EFHD2: variants seen among roughly 807,000 people sequenced by gnomAD.
EFHD2 encodes EF-hand domain family member D2.
Under a neutral mutation model 20.3 loss-of-function variants are expected in EFHD2, and 12 were observed. That is an observed-to-expected ratio of 0.59 (90% CI 0.38 to 0.96). The LOEUF is 0.96. EFHD2 is among the 40% of genes least tolerant of loss of function. The probability of loss-of-function intolerance (pLI) is 0.00; values close to 1 mark genes in which losing one functional copy is unlikely to be tolerated. For missense variants in EFHD2, 250 were observed against 334.3 expected (o/e 0.75, Z 1.97); for synonymous variants, 131 against 143.9 (o/e 0.91, Z 0.64).
intron 1 of EFHD2, among the ~76,000 whole-genome samples, chr1:15,414,571 T>C (rs948997168): frequency 9.2e-5 from 14 of 152,172 alleles, no homozygotes; most frequent in African/African-American, 3.1e-4. Context: ...GCATACACCC[T>C]CTCCTGGGCC....
intron 3 of EFHD2, among the ~76,000 whole-genome samples, chr1:15,428,174 C>G (rs750861181): frequency 1.3e-5 from 2 of 152,066 alleles, no homozygotes; most frequent in African/African-American, 2.4e-5. Flanking sequence ...TCAGCAGAAG[C>G]CTGAGCCAGA....
chr1:15,423,281 T>TCCACCC (rs1161819326), intron 1 of EFHD2, among the ~76,000 whole-genome samples: 1 of 152,160 alleles, frequency 6.6e-6, no homozygotes, highest in Non-Finnish European at 1.5e-5. Flanking sequence ...CCCATCCACC[T>TCCACCC]CCACCCCAAC....
intron 1 of EFHD2, among the ~76,000 whole-genome samples, chr1:15,415,504 T>TC (rs1283019785): frequency 6.6e-6 from 1 of 151,660 alleles, no homozygotes; most frequent in African/African-American, 2.4e-5. Flanking sequence ...TTTTTTTTTT[T>TC]TTGAGATGGA....
rs374763966 is a variant in EFHD2, at chr1:15,428,792, G to A, written c.*68G>A. On this transcript the variant is annotated 3_prime_UTR_variant, in exon 4 of 4. Coordinates refer to ENST00000375980, the MANE Select transcript of EFHD2 (RefSeq NM_024329.6). ...GGGCGAGGGTGGCGCATGGGAGGCC[G>A]AGCCTGAATCCTTGCCTGTGTCTGA... 426 of 1,544,196 alleles carry A rather than the reference G, an allele frequency of 2.8e-4. 5 individuals are homozygous for A. In the South Asian group the frequency reaches 4.5e-3, roughly 16 times the overall value.
intron 1 of EFHD2, among the ~76,000 whole-genome samples, chr1:15,410,657 T>A (rs1176249407): frequency 1.4e-5 from 2 of 146,818 alleles, no homozygotes; most frequent in African/African-American, 5.2e-5. Context: ...TTAGTGGGGC[T>A]TCTCCACCAC....
chr1:15,411,359 C>T (rs1014613087), intron 1 of EFHD2, among the ~76,000 whole-genome samples: 9 of 152,096 alleles, frequency 5.9e-5, no homozygotes, highest in African/African-American at 1.2e-4. Context: ...CACCCCCAGG[C>T]GTGTGGGCTC....
chr1:15,419,407 C>G (rs1707748001), intron 1 of EFHD2, among the ~76,000 whole-genome samples: 1 of 152,258 alleles, frequency 6.6e-6, no homozygotes, highest in Admixed American at 6.5e-5. Flanking sequence ...TGGGCGCTTT[C>G]TGCCAGTACT....
chr1:15,425,440 A>G (rs1035816673), intron 1 of EFHD2, among the ~76,000 whole-genome samples: 20 of 151,594 alleles, frequency 1.3e-4, no homozygotes, highest in African/African-American at 4.6e-4. Flanking sequence ...CAGGAGAATC[A>G]CTTGAACCCG....
chr1:15,412,859 G>C (rs1208379761), intron 1 of EFHD2, among the ~76,000 whole-genome samples: 1 of 152,196 alleles, frequency 6.6e-6, no homozygotes, highest in Non-Finnish European at 1.5e-5. Context: ...GAGGGCGACT[G>C]AGGGGAGCTG....
intron 1 of EFHD2, among the ~76,000 whole-genome samples, chr1:15,422,422 T>A (rs1707808025): frequency 6.6e-6 from 1 of 151,960 alleles, no homozygotes; most frequent in South Asian, 2.1e-4. Context: ...GGGGCCACCC[T>A]ATGCGCTATA....
Position 15,409,912 on chromosome 1 carries a change from G to C in EFHD2, c.-60G>C, listed in dbSNP as rs1021731238. 1 of 1,195,412 alleles carries C rather than the reference G, an allele frequency of 8.4e-7. No individual in the cohort carries two copies. Among genetic ancestry groups the C allele is most frequent in the African/African-American group, 1.6e-5 (1 of 62,618 alleles). 74.1% of individuals were successfully genotyped at this position (1,195,412 alleles called of 1,614,324 possible). A position where few individuals can be genotyped will look rare whatever the true frequency, so the allele number is the denominator to read the frequency against. On this transcript the variant is annotated 5_prime_UTR_variant, in exon 1 of 4. Coordinates refer to ENST00000375980, the MANE Select transcript of EFHD2 (RefSeq NM_024329.6). ...GGAGTGTCAGGAAGAGGAAGAGCGC[G>C]GCCGGCGGCGCTGCGCTGAGAGCAG...
At chr1:15,427,337 G>T in intron 3 of EFHD2, 53 bp downstream of exon 3, 1 of 1,565,588 alleles carries the variant, frequency 6.4e-7, no homozygotes, top group Non-Finnish European at 8.7e-7. Flanking sequence ...GGGGACCCTG[G>T]GTTGGTGCGA....
At chr1:15,416,555 C>T (rs1421847901) in intron 1 of EFHD2, among the ~76,000 whole-genome samples, 1 of 152,196 alleles carries the variant, frequency 6.6e-6, no homozygotes, top group Admixed American at 6.5e-5. Flanking sequence ...CTTTGCCTCC[C>T]GTTCAGTCCT....
intron 1 of EFHD2, among the ~76,000 whole-genome samples, chr1:15,420,049 G>A (rs1380238159): frequency 6.6e-6 from 1 of 152,160 alleles, no homozygotes; most frequent in Non-Finnish European, 1.5e-5. Context: ...GATCCCCTGG[G>A]TCATCATGTC....
chr1:15,427,759 T>C lies in EFHD2; in HGVS notation c.591+475T>C, dbSNP rs570908341. The C allele has an allele frequency of 2.9e-5, 11 of 377,098 alleles. No homozygotes were observed. The East Asian group carries it at 7.4e-4, about 25-fold the overall frequency. 23.4% of individuals were successfully genotyped at this position (377,098 alleles called of 1,614,324 possible). A position where few individuals can be genotyped will look rare whatever the true frequency, so the allele number is the denominator to read the frequency against. On this transcript the variant is annotated intron_variant, in intron 3 of 3. Transcript: ENST00000375980. ...GAGGAGACACCTGTGATCTAGTGGCTCCTGGGTCCTGCCCACCCGGGGCCC... is the reference window on the plus strand; with the variant it reads ...GAGGAGACACCTGTGATCTAGTGGCCCCTGGGTCCTGCCCACCCGGGGCCC...
chr1:15,428,615 G>A lies in EFHD2; in HGVS notation c.614G>A (p.Ser205Asn). Residue 205 changes from serine to asparagine, a missense_variant, in exon 4 of 4, where the codon AGC becomes AAC. By Grantham distance (46) the Ser-to-Asn change is conservative. Coordinates refer to ENST00000375980, the MANE Select transcript of EFHD2 (RefSeq NM_024329.6). ...EAKVQAINVSSRFEEEIKAEQ... is the reference protein window; with the variant it reads ...EAKVQAINVSNRFEEEIKAEQ... The stretch of plus-strand genomic sequence containing the variant: ...CAGGTCCAGGCCATCAACGTGTCCA[G>A]CCGCTTCGAGGAGGAGATCAAGGCA... The A allele has an allele frequency of 6.2e-7, 1 of 1,611,288 alleles. No homozygotes were observed. Among genetic ancestry groups the A allele is most frequent in the South Asian group, 1.1e-5 (1 of 90,598 alleles).
At chr1:15,427,033 GC>G (rs1250054982) in intron 2 of EFHD2, 116 bp from the exon 3 acceptor site, 8 of 1,386,000 alleles carry the variant, frequency 5.8e-6, no homozygotes, top group Non-Finnish European at 5.8e-6. Flanking sequence ...CCAGCTCACT[GC>G]CCCCCAGTCC....
intron 1 of EFHD2, among the ~76,000 whole-genome samples, chr1:15,424,578 G>T (rs1418187033): frequency 6.6e-6 from 1 of 152,022 alleles, no homozygotes; most frequent in African/African-American, 2.4e-5. Flanking sequence ...GCCAATCTCC[G>T]CCACTCCCTG....
At chr1:15,419,509 C>T (rs1707751860) in intron 1 of EFHD2, among the ~76,000 whole-genome samples, 3 of 147,688 alleles carry the variant, frequency 2.0e-5, no homozygotes, top group African/African-American at 8.0e-5. Flanking sequence ...GTGGGACCCT[C>T]CATGGGACCA....
Sources: allele counts gnomAD v4.1 joint callset (sites outside exome capture counted in the v4.1 genomes callset), GRCh38; gene constraint gnomAD v4.1.1; transcripts MANE v1.5; gene names NCBI Gene and HGNC (gene_info 2026-07-23, HGNC 2026-07-21).